The following ESRRG variants were observed in gnomAD, a reference collection of about 807,000 sequenced individuals.
ESRRG encodes the protein estrogen related receptor gamma.
A neutral mutation model predicts 44.0 loss-of-function variants in ESRRG; 13 were observed. The ratio of observed to expected loss-of-function variants is 0.30; its 90% CI spans 0.19 to 0.47. ESRRG has a LOEUF of 0.47. Ranked by LOEUF, ESRRG falls within the 20% of genes least tolerant of loss-of-function variation. The pLI is 1.00. For missense variants in ESRRG, 395 were observed against 580.6 expected (o/e 0.68, Z 3.29); for synonymous variants, 215 against 214.6 (o/e 1.00, Z -0.02).
At chr1:217,122,401 A>AT (rs1279583678) in intron 1 of ESRRG, among the ~76,000 whole-genome samples, 1 of 152,138 alleles carries the variant, frequency 6.6e-6, no homozygotes, top group Admixed American at 6.6e-5. Context: ...TAGTTATGTG[A>AT]TTTTGACTAA....
rs369992783 is a variant in ESRRG, at chr1:217,079,718, T to C, written c.-106+9789A>G. Reference sequence around the variant, plus strand: ...GTGAAGTTTTAAAGAATAACACATGTCAAGGGCTTACCACAGCGCCTGGCA... The same window carrying C: ...GTGAAGTTTTAAAGAATAACACATGCCAAGGGCTTACCACAGCGCCTGGCA... On this transcript the variant is annotated intron_variant, in intron 1 of 7. Coordinates refer to the ESRRG transcript ENST00000359162. Among the ~76,000 whole-genome samples the C allele has an allele frequency of 7.2e-5, 11 of 152,316 alleles. No homozygotes were observed. In the East Asian group the frequency reaches 1.5e-3, roughly 21 times the overall value.
rs542703767 is a variant in ESRRG, at chr1:216,978,024, C to T, written c.-105-38351G>A. 3.9e-5 allele frequency among the ~76,000 whole-genome samples: 6 copies of T among 152,218 alleles called. No homozygotes were observed. The South Asian group carries it at 1.2e-3, about 32-fold the overall frequency. On this transcript the variant is annotated intron_variant, in intron 1 of 7. Coordinates refer to the ESRRG transcript ENST00000359162. ...GAACCATGCTCTTGGATTTCCCAGC[C>T]ACTAGAATTGTGAGAAATGAATTTA... is the stretch of plus-strand genomic sequence containing the variant.
chr1:216,705,585 A>C (rs1005155322), intron 1 of ESRRG, among the ~76,000 whole-genome samples: 2 of 152,224 alleles, frequency 1.3e-5, no homozygotes, highest in African/African-American at 4.8e-5. Flanking sequence ...AATCTAGATA[A>C]AACTCATTGG....
rs542640669 is a variant in ESRRG at position 216,895,049 on chromosome 1, G to A, written c.-14+44533C>T. ...CAAACCATGCAAATTGGGCTGGGGGGCGGATAAACCCTTGCACCATGCCAG... is the reference window on the plus strand; with the variant it reads ...CAAACCATGCAAATTGGGCTGGGGGACGGATAAACCCTTGCACCATGCCAG... On this transcript the variant is annotated intron_variant, in intron 2 of 7. Transcript: ENST00000359162. Among the ~76,000 whole-genome samples, 16 of 152,200 alleles carry A rather than the reference G, an allele frequency of 1.1e-4. No individual in the cohort carries two copies. The East Asian group carries it at 2.3e-3, about 22-fold the overall frequency.
chr1:216,605,286 T>C (rs1234737840), intron 3 of ESRRG, among the ~76,000 whole-genome samples: 1 of 152,144 alleles, frequency 6.6e-6, no homozygotes, highest in East Asian at 1.9e-4. Flanking sequence ...TATAAACTCA[T>C]AAAATCAAAT....
intron 5 of ESRRG, among the ~76,000 whole-genome samples, chr1:216,522,073 AC>A (rs139278494): frequency 0.042 from 6,337 of 152,120 alleles, 190 homozygotes; most frequent in Non-Finnish European, 0.061. Flanking sequence ...GTTTAATTGA[AC>A]AAAAAACAAT....
At chr1:216,836,936 G>C (rs914209990) in intron 2 of ESRRG, among the ~76,000 whole-genome samples, 19 of 152,008 alleles carry the variant, frequency 1.2e-4, no homozygotes, top group Non-Finnish European at 2.5e-4. Flanking sequence ...ATACATACAT[G>C]TGTACAAACA....
At chr1:216,911,285 T>C (rs1443774198) in intron 2 of ESRRG, among the ~76,000 whole-genome samples, 1 of 152,148 alleles carries the variant, frequency 6.6e-6, no homozygotes, top group Non-Finnish European at 1.5e-5. Flanking sequence ...TGGACTGTTA[T>C]TCAGTGCTAA....
chr1:217,077,494 C>A (rs1179394174), intron 1 of ESRRG, among the ~76,000 whole-genome samples: 1 of 152,096 alleles, frequency 6.6e-6, no homozygotes, highest in African/African-American at 2.4e-5. Context: ...CCCTTGAAAA[C>A]AAATCCACCA....
At chr1:216,699,469 T>C (rs185798767) in intron 1 of ESRRG, among the ~76,000 whole-genome samples, 1 of 152,270 alleles carries the variant, frequency 6.6e-6, no homozygotes, top group Non-Finnish European at 1.5e-5. Flanking sequence ...ACCACAATCT[T>C]CAGTCTACCT....
chr1:216,625,324 C>T (rs1268529319), intron 3 of ESRRG, among the ~76,000 whole-genome samples: 1 of 150,266 alleles, frequency 6.7e-6, no homozygotes, highest in Non-Finnish European at 1.5e-5. Context: ...GTCCACCCTG[C>T]TTATCAATCC....
intron 3 of ESRRG, among the ~76,000 whole-genome samples, chr1:216,635,169 CA>C (rs1445339124): frequency 1.3e-5 from 2 of 152,104 alleles, no homozygotes; most frequent in African/African-American, 2.4e-5. Context: ...ATTTGATGTT[CA>C]GGGGTCAATA....
chr1:216,669,078 G>GT lies in ESRRG; in HGVS notation c.472+7997dup, dbSNP rs548911715. On this transcript the variant is annotated intron_variant, in intron 2 of 6. Coordinates refer to ENST00000408911, the MANE Select transcript of ESRRG (RefSeq NM_001438.4). The stretch of plus-strand genomic sequence containing the variant: ...TTTTGAATGCCCTCAAGCTCAGAGT[G>GT]TTTTTTTATATTTTTAAACAGCTTA... Among the ~76,000 whole-genome samples, 134 of 150,668 alleles carry GT rather than the reference G, an allele frequency of 8.9e-4. 1 individual carries two copies. The highest frequency in any genetic ancestry group is 3.2e-3 in the African/African-American group (130 of 41,198).
chr1:216,722,659 T>C (rs934080178), intron 1 of ESRRG, among the ~76,000 whole-genome samples: 5 of 152,178 alleles, frequency 3.3e-5, no homozygotes, highest in African/African-American at 9.6e-5. Flanking sequence ...ATGGACTGAT[T>C]TGTCAGTTAA....
chr1:216,511,673 G>A (rs956501895), intron 6 of ESRRG, among the ~76,000 whole-genome samples: 2 of 152,114 alleles, frequency 1.3e-5, no homozygotes, highest in African/African-American at 2.4e-5. Context: ...GGCACCTTGA[G>A]TGCCCAGGTT....
intron 1 of ESRRG, among the ~76,000 whole-genome samples, chr1:216,685,587 A>G (rs564934108): frequency 1.6e-4 from 24 of 152,320 alleles, no homozygotes; most frequent in Non-Finnish European, 3.2e-4. Context: ...AACTCATAGA[A>G]AGTCTATGCA....
chr1:217,028,052 C>A (rs114272362), intron 1 of ESRRG, among the ~76,000 whole-genome samples: 1 of 152,110 alleles, frequency 6.6e-6, no homozygotes, highest in Admixed American at 6.6e-5. Context: ...ACTCAAGTGG[C>A]GCACAGATTT....
At chr1:216,786,282 C>A (rs1326809107) in intron 2 of ESRRG, among the ~76,000 whole-genome samples, 3 of 151,952 alleles carry the variant, frequency 2.0e-5, no homozygotes, top group Admixed American at 2.0e-4. Context: ...AGGAGGAAAA[C>A]AAAAGCCAAT....
chr1:216,831,166 G>T (rs1577031982), intron 2 of ESRRG, among the ~76,000 whole-genome samples: 1 of 151,978 alleles, frequency 6.6e-6, no homozygotes, highest in East Asian at 1.9e-4. Context: ...GGGAGGGGAA[G>T]GAGGAGGAGG....
Sources: gnomAD v4.1 joint callset for allele counts (sites outside exome capture counted in the v4.1 genomes callset) on GRCh38, gnomAD v4.1.1 for gene constraint, MANE v1.5 for transcripts, NCBI Gene and HGNC (gene_info 2026-07-23, HGNC 2026-07-21) for gene names.